The following HYAL4 variants were observed in gnomAD, a reference collection of about 807,000 sequenced individuals.
HYAL4 encodes hyaluronidase 4.
HYAL4 carries 37 observed loss-of-function variants against 35.2 expected under a neutral mutation model. That is an observed-to-expected ratio of 1.05 (90% CI 0.81 to 1.38). HYAL4 has a LOEUF of 1.38. Ranked by LOEUF, HYAL4 falls within the 40% of genes most tolerant of loss-of-function variation. HYAL4 has a pLI of 0.00. For missense variants in HYAL4, 572 were observed against 572.4 expected, an observed-to-expected ratio of 1.00 and a Z score of 0.01; for synonymous variants, 198 against 203.2, an observed-to-expected ratio of 0.97 and a Z score of 0.22.
At chr7:123,820,570 T>TGAAA in the HYAL4 span, among the ~76,000 whole-genome samples, 11 of 145,754 alleles carry the variant, frequency 7.5e-5, no homozygotes, top group East Asian at 2.2e-3. Context: ...GCAACAAGAG[T>TGAAA]GAAACTCCAT....
At chr7:123,787,107 C>CAAAAAAAAAAAAAAAA in the HYAL4 span, among the ~76,000 whole-genome samples, 11 of 49,068 alleles carry the variant, frequency 2.2e-4, no homozygotes, top group Non-Finnish European at 4.9e-4. Flanking sequence ...AACTCTGTCT[C>CAAAAAAAAAAAAAAAA]AAAAAAAAAA....
intron 2 of HYAL4, among the ~76,000 whole-genome samples, chr7:123,857,665 G>GTTTCTTTCTTTCTTTC (rs71163707): frequency 2.1e-4 from 20 of 95,588 alleles, no homozygotes; most frequent in Admixed American, 4.4e-4. Context: ...TTCTTTCTTT[G>GTTTCTTTCTTTCTTTC]TTTGTTTCTT....
chr7:123,823,725 TA>T, the HYAL4 span, among the ~76,000 whole-genome samples: 44 of 86,586 alleles, frequency 5.1e-4, no homozygotes, highest in Middle Eastern at 6.0e-3. Context: ...TACACATATA[TA>T]TTTTATATAT....
chr7:123,824,297 T>C (rs1042440277), upstream of HYAL4, among the ~76,000 whole-genome samples: 2 of 152,152 alleles, frequency 1.3e-5, no homozygotes, highest in African/African-American at 4.8e-5. Flanking sequence ...GATTATTACT[T>C]CTTACCTCTC....
chr7:123,852,156 A>G (rs1011366631), intron 2 of HYAL4, among the ~76,000 whole-genome samples: 2 of 152,192 alleles, frequency 1.3e-5, no homozygotes, highest in Admixed American at 6.5e-5. Flanking sequence ...TCAGATGGGT[A>G]GATTGCAAAA....
chr7:123,829,208 G>T (rs553410970), intron 1 of HYAL4: 2 of 152,570 alleles, frequency 1.3e-5, no homozygotes, highest in African/African-American at 4.8e-5. Flanking sequence ...CATGAAGAAT[G>T]GATTTGTGTG....
the HYAL4 span, among the ~76,000 whole-genome samples, chr7:123,799,951 A>C: frequency 1.3e-5 from 2 of 151,876 alleles, no homozygotes; most frequent in Non-Finnish European, 2.9e-5. Flanking sequence ...GCTTGAGCGC[A>C]GGAGTTCGAG....
In HYAL4 at chr7:123,874,863, C is replaced by T. The variant is rs772734998; in HGVS notation, c.1044+13C>T. 2.2e-5 allele frequency: 31 copies of T among 1,396,250 alleles called. No homozygotes were observed. The highest frequency in any genetic ancestry group is 4.2e-5 in the African/African-American group (3 of 70,702). The allele number at this position is 1,396,250 out of a possible 1,614,324, so 86.5% of individuals were successfully genotyped here. On this transcript the variant is annotated intron_variant, in intron 4 of 4. Transcript: ENST00000223026. ...AACTGCATCCAAGGTAAGTCAGTAT[C>T]TTGAAGGTATATTTAATGTTTTCTA...
At chr7:123,773,473 A>G in the HYAL4 span, among the ~76,000 whole-genome samples, 3 of 152,248 alleles carry the variant, frequency 2.0e-5, no homozygotes, top group Non-Finnish European at 2.9e-5. Context: ...AAAATTTCAT[A>G]TTAATTTATA....
At chr7:123,789,129 G>A in the HYAL4 span, among the ~76,000 whole-genome samples, 5 of 152,226 alleles carry the variant, frequency 3.3e-5, no homozygotes, top group Admixed American at 6.5e-5. Context: ...AGCCACAGTG[G>A]GCTCTGATAA....
chr7:123,806,592 C>T, the HYAL4 span, among the ~76,000 whole-genome samples: 3 of 151,682 alleles, frequency 2.0e-5, no homozygotes, highest in Non-Finnish European at 2.9e-5. Flanking sequence ...TACAAGCATG[C>T]GCCACCACGC....
upstream of HYAL4, among the ~76,000 whole-genome samples, chr7:123,827,764 A>G (rs1343665088): frequency 6.6e-6 from 1 of 152,166 alleles, no homozygotes; most frequent in African/African-American, 2.4e-5. Flanking sequence ...TCTTTACCAG[A>G]TGGAGTCACA....
chr7:123,853,423 T>G (rs1046725578), intron 2 of HYAL4, among the ~76,000 whole-genome samples: 3 of 151,122 alleles, frequency 2.0e-5, no homozygotes, highest in African/African-American at 7.3e-5. Flanking sequence ...ACCAGTTTAT[T>G]GTTTTTAGCA....
the HYAL4 span, among the ~76,000 whole-genome samples, chr7:123,820,260 A>G: frequency 3.3e-5 from 5 of 151,440 alleles, no homozygotes; most frequent in East Asian, 1.9e-4. Flanking sequence ...ATCTATTTGT[A>G]TATAAAGGTT....
chr7:123,839,072 G>A (rs1054329901), intron 1 of HYAL4, among the ~76,000 whole-genome samples: 2 of 151,950 alleles, frequency 1.3e-5, no homozygotes, highest in East Asian at 3.9e-4. Flanking sequence ...GTGCCATGTT[G>A]GTTTGCCACA....
rs1563006245 is a variant in HYAL4, at chr7:123,874,744, T to C, written c.955-17T>C. ...TTACATTCAAATTAATAATGAACTC[T>C]ACTGTCTTCAATCTAGCAAGATCTA... On this transcript the variant is annotated splice_polypyrimidine_tract_variant and intron_variant, in intron 3 of 4. Transcript: ENST00000223026. 5 of 1,461,616 alleles carry C rather than the reference T, an allele frequency of 3.4e-6. No individual in the cohort carries two copies. The highest frequency in any genetic ancestry group is 1.1e-5 in the South Asian group (1 of 87,820). 90.5% of individuals were successfully genotyped at this position (1,461,616 alleles called of 1,614,324 possible).
chr7:123,876,630 A>G, intron 4 of HYAL4, 124 bp from the exon 5 acceptor site: 1 of 1,035,060 alleles, frequency 9.7e-7, no homozygotes, highest in Non-Finnish European at 1.4e-6. Context: ...GTTTTAATCA[A>G]GACCAAAGAA....
intron 1 of HYAL4, among the ~76,000 whole-genome samples, chr7:123,839,134 C>G (rs1411495852): frequency 6.6e-6 from 1 of 152,032 alleles, no homozygotes; most frequent in East Asian, 1.9e-4. Flanking sequence ...TATCCCTCCC[C>G]CAGCTCTCCC....
chr7:123,863,787 CTG>C (rs1248509295), intron 2 of HYAL4, among the ~76,000 whole-genome samples: 1 of 152,156 alleles, frequency 6.6e-6, no homozygotes, highest in Non-Finnish European at 1.5e-5. Flanking sequence ...TGCAGCCTAG[CTG>C]TGAGTGTAGT....
Sources: gnomAD v4.1 joint callset for allele counts (sites outside exome capture counted in the v4.1 genomes callset) on GRCh38, gnomAD v4.1.1 for gene constraint, MANE v1.5 for transcripts, NCBI Gene and HGNC (gene_info 2026-07-23, HGNC 2026-07-21) for gene names.